The following ALDH16A1 variants were observed in gnomAD, a reference collection of about 807,000 sequenced individuals.
The protein encoded by ALDH16A1 is aldehyde dehydrogenase 16 family member A1.
A neutral mutation model predicts 96.1 loss-of-function variants in ALDH16A1; 88 were observed. That is an observed-to-expected ratio of 0.92 (90% CI 0.77 to 1.09). ALDH16A1 has a LOEUF of 1.09. ALDH16A1 is among the 50% of genes least tolerant of loss of function. ALDH16A1 has a pLI of 0.00. For missense variants in ALDH16A1, 1,250 were observed against 1,112.6 expected, an observed-to-expected ratio of 1.12 and a Z score of -1.76; for synonymous variants, 522 against 496.4, an observed-to-expected ratio of 1.05 and a Z score of -0.69.
At position 49,464,294 on chromosome 19, in the gene ALDH16A1, T is replaced by C. The variant is rs765506860; in HGVS notation, c.1331+31T>C. 11 of 1,594,830 alleles carry C rather than the reference T, an allele frequency of 6.9e-6. No homozygotes were observed. In the African/African-American group the frequency reaches 1.5e-4, roughly 21 times the overall value. On this transcript the variant is annotated intron_variant, in intron 10 of 16. Transcript: ENST00000293350. ...TCTGCGTGGCCCGGGCGCTCACTCCTCTCCTCATTCTTCCATCTTCATCTC... is the reference window on the plus strand; with the variant it reads ...TCTGCGTGGCCCGGGCGCTCACTCCCCTCCTCATTCTTCCATCTTCATCTC...
intron 1 of ALDH16A1, among the ~76,000 whole-genome samples, chr19:49,455,861 A>G (rs919514834): frequency 9.2e-5 from 14 of 152,180 alleles, no homozygotes; most frequent in Non-Finnish European, 1.3e-4. Flanking sequence ...CTCAACCAAC[A>G]AACATGTTTT....
At position 49,462,690 on chromosome 19, in the gene ALDH16A1, C is replaced by A; in HGVS notation, c.1033C>A (p.Arg345=). The A allele has an allele frequency of 6.2e-7, 1 of 1,607,788 alleles. No homozygotes were observed. Among genetic ancestry groups the A allele is most frequent in the Non-Finnish European group, 8.5e-7 (1 of 1,178,376 alleles). The part of the protein sequence containing the change: ...GLDGAVDMGA[R]GAAACDLVQR... ...GGATGGGGCCGTGGACATGGGGGCC[C>A]GGGGGGCTGCCGCATGTGACCTGGT... The change falls in exon 8 of 17, where the codon CGG becomes AGG. Residue 345 remains arginine (R), a synonymous_variant. Coordinates refer to ENST00000293350, the MANE Select transcript of ALDH16A1 (RefSeq NM_153329.4).
Position 49,466,070 on chromosome 19 carries a change from G to C in ALDH16A1, c.1737-12G>C, listed in dbSNP as rs1555800431. ...AGGATGCCAACCCCCACTGTGCGCT[G>C]TCTGCCCACAGCTGGGCGGGCCAGT... On this transcript the variant is annotated splice_polypyrimidine_tract_variant and intron_variant, in intron 13 of 16. Transcript: ENST00000293350. The C allele has an allele frequency of 6.5e-7, 1 of 1,541,080 alleles. No homozygotes were observed. The highest frequency in any genetic ancestry group is 1.2e-5 in the South Asian group (1 of 84,052).
At chr19:49,469,332 C>T (rs181078826) in intron 16 of ALDH16A1, 315 of 166,766 alleles carry the variant, frequency 1.9e-3, no homozygotes, top group Admixed American at 3.7e-3. Flanking sequence ...TCACTGCAGC[C>T]GCAACCTCCC....
rs1033216723 is a variant in ALDH16A1 at position 49,458,585 on chromosome 19, A to G, written c.190A>G (p.Thr64Ala). Residue 64 changes from threonine to alanine, a missense_variant, in exon 2 of 17, where the codon ACA becomes GCA. By Grantham distance (58) the Thr-to-Ala change is moderately conservative. Coordinates refer to ENST00000293350, the MANE Select transcript of ALDH16A1 (RefSeq NM_153329.4). Reference protein sequence around the residue: ...RNSVPCQDPITGENLASCLQA... With the variant: ...RNSVPCQDPIAGENLASCLQA... ...TTCAGTGCCTTGCCAGGATCCCATC[A>G]CAGGTACGAGATGTCCCCCAGTCAT... The G allele has an allele frequency of 1.3e-6, 2 of 1,557,362 alleles. No homozygotes were observed. The highest frequency in any genetic ancestry group is 1.7e-6 in the Non-Finnish European group (2 of 1,149,240).
At chr19:49,464,570 C>G (rs368739759) in intron 11 of ALDH16A1, 48 bp downstream of exon 11, 4 of 1,613,398 alleles carry the variant, frequency 2.5e-6, no homozygotes, top group Non-Finnish European at 3.4e-6. Flanking sequence ...GCCCCATGCC[C>G]TTGACACTCG....
At position 49,465,818 on chromosome 19, in the gene ALDH16A1, C is replaced by T. The variant is rs755228634; in HGVS notation, c.1649C>T (p.Ser550Leu). 2.0e-5 allele frequency: 32 copies of T among 1,614,032 alleles called. No individual in the cohort carries two copies. The highest frequency in any genetic ancestry group is 2.2e-5 in the East Asian group (1 of 44,900). ...GARSSRPIRD[S>L]SGNLHGYVAE... ...CGAAGCTCCAGGCCCATCCGGGATT[C>T]GTCTGGCAACCTCCATGGCTACGTG... Residue 550 changes from serine to leucine, a missense_variant, in exon 13 of 17, where the codon TCG becomes TTG. Physicochemically the swap from Ser to Leu is moderately radical, Grantham distance 145. Transcript: ENST00000293350.
At position 49,459,065 on chromosome 19, in the gene ALDH16A1, T is replaced by G; in HGVS notation, c.299T>G (p.Val100Gly). 2 of 1,612,918 alleles carry G rather than the reference T, an allele frequency of 1.2e-6. No homozygotes were observed. The highest frequency in any genetic ancestry group is 2.7e-5 in the African/African-American group (2 of 75,058). Residue 100 changes from valine to glycine, a missense_variant, in exon 3 of 17, where the codon GTC (valine) becomes GGC (glycine). Val to Gly is a moderately radical substitution (Grantham distance 109, BLOSUM62 -3). Transcript: ENST00000293350. This position sits in a 1 kb window ranked among gnomAD's most constrained non-coding sequence, Gnocchi z 4.1. Reference protein sequence around the residue: ...FKGWSAHPGVVRAQHLTRLAE... With the variant: ...FKGWSAHPGVGRAQHLTRLAE... Reference sequence around the variant, plus strand: ...GGCTGGAGTGCGCACCCCGGCGTCGTCCGGGCCCAGCACCTGACCAGGTGA... The same window carrying G: ...GGCTGGAGTGCGCACCCCGGCGTCGGCCGGGCCCAGCACCTGACCAGGTGA...
At position 49,464,145 on chromosome 19, in the gene ALDH16A1, G is replaced by T; in HGVS notation, c.1213G>T (p.Val405Leu). Residue 405 changes from valine to leucine, a missense_variant, in exon 10 of 17, where the codon GTG becomes TTG. Transcript: ENST00000293350. ...CTTGCAGGTGCCGTGGCCTGTGGTCGTGGCCTCCCCCTTCCGCACAGCCAA... is the reference window on the plus strand; with the variant it reads ...CTTGCAGGTGCCGTGGCCTGTGGTCTTGGCCTCCCCCTTCCGCACAGCCAA... ...AQVEVPWPVVVASPFRTAKEA... is the reference protein window; with the variant it reads ...AQVEVPWPVVLASPFRTAKEA... The T allele has an allele frequency of 6.2e-7, 1 of 1,608,416 alleles. No homozygotes were observed. Among genetic ancestry groups the T allele is most frequent in the Non-Finnish European group, 8.5e-7 (1 of 1,179,298 alleles).
At chr19:49,465,581 G>A (rs1050671963) in intron 12 of ALDH16A1, among the ~76,000 whole-genome samples, 157 bp from the exon 13 acceptor site, 1 of 151,308 alleles carries the variant, frequency 6.6e-6, no homozygotes, top group Non-Finnish European at 1.5e-5. Context: ...AATCATGGGA[G>A]CAGGAGTTTT....
Position 49,468,480 on chromosome 19 carries a change from C to A in ALDH16A1, c.2038C>A (p.Leu680Met), listed in dbSNP as rs763921309. The A allele has an allele frequency of 4.4e-6, 7 of 1,602,922 alleles. No homozygotes were observed. The African/African-American group carries it at 9.3e-5, about 21-fold the overall frequency. The change falls in exon 15 of 17, where the codon CTG becomes ATG. Residue 680 changes from leucine to methionine, a missense_variant. Coordinates refer to ENST00000293350, the MANE Select transcript of ALDH16A1 (RefSeq NM_153329.4). The surrounding 1 kb of genome is among the most constrained non-coding windows in gnomAD (Gnocchi z 4.4). ...GTGGCCCCTGCTTGCCTTCGTGTCCCTGCTGGCTCCCGCCCTGGCCTACGG... is the reference window on the plus strand; with the variant it reads ...GTGGCCCCTGCTTGCCTTCGTGTCCATGCTGGCTCCCGCCCTGGCCTACGG... ...DEWPLLAFVS[L>M]LAPALAYGNT...
At position 49,468,617 on chromosome 19, in the gene ALDH16A1, GA is replaced by G; in HGVS notation, c.2124+56del. 6 of 1,578,090 alleles carry G rather than the reference GA, an allele frequency of 3.8e-6. No homozygotes were observed. The highest frequency in any genetic ancestry group is 4.3e-6 in the Non-Finnish European group (5 of 1,166,746). On this transcript the variant is annotated intron_variant, in intron 15 of 16. Coordinates refer to ENST00000293350, the MANE Select transcript of ALDH16A1 (RefSeq NM_153329.4). The surrounding 1 kb of genome is among the most constrained non-coding windows in gnomAD (Gnocchi z 4.4). ...TCCTCCCCGTAGCCTCAGGGCAGCA[GA>G]AAAAGGCGCCCCAAAGTCGGCAGGA...
At chr19:49,465,603 G>A in intron 12 of ALDH16A1, 135 bp from the exon 13 acceptor site, 6 of 1,092,144 alleles carry the variant, frequency 5.5e-6, no homozygotes, top group Non-Finnish European at 7.8e-6. Flanking sequence ...GGGTCCCCCA[G>A]AGGCTCATGG....
In ALDH16A1 at chr19:49,466,296, T is replaced by A; in HGVS notation, c.1938+13T>A. 1 of 1,431,134 alleles carries A rather than the reference T, an allele frequency of 7.0e-7. No individual in the cohort carries two copies. The highest frequency in any genetic ancestry group is 1.4e-5 in the African/African-American group (1 of 69,066). 88.7% of individuals were successfully genotyped at this position (1,431,134 alleles called of 1,614,324 possible). A position where few individuals can be genotyped will look rare whatever the true frequency, so the allele number is the denominator to read the frequency against. On this transcript the variant is annotated intron_variant, in intron 14 of 16. Coordinates refer to ENST00000293350, the MANE Select transcript of ALDH16A1 (RefSeq NM_153329.4). Reference sequence around the variant, plus strand: ...CCACACCCTGCAGGTGAAGGGTCTGTGGGCACCTGGGCCAGCTGGGCAGGC... The same window carrying A: ...CCACACCCTGCAGGTGAAGGGTCTGAGGGCACCTGGGCCAGCTGGGCAGGC...
chr19:49,456,528 G>A (rs2079105625), intron 1 of ALDH16A1, among the ~76,000 whole-genome samples: 1 of 152,138 alleles, frequency 6.6e-6, no homozygotes, highest in Non-Finnish European at 1.5e-5. Flanking sequence ...GAGACTACAA[G>A]TGTGCATCAT....
chr19:49,455,647 G>A (rs2079101177), intron 1 of ALDH16A1, among the ~76,000 whole-genome samples: 1 of 151,882 alleles, frequency 6.6e-6, no homozygotes, highest in African/African-American at 2.4e-5. Context: ...TGTAATCCCA[G>A]CAGTTTGGGA....
At chr19:49,469,129 C>T (rs1219879431) in intron 16 of ALDH16A1, 143 bp downstream of exon 16, 1 of 1,258,396 alleles carries the variant, frequency 7.9e-7, no homozygotes, top group African/African-American at 1.5e-5. Context: ...AGGCCCCGCC[C>T]TTAGGACTCA....
chr19:49,455,988 C>T (rs2079102848), intron 1 of ALDH16A1, among the ~76,000 whole-genome samples: 2 of 152,184 alleles, frequency 1.3e-5, no homozygotes, highest in Admixed American at 6.5e-5. Flanking sequence ...TTTGGCTCAA[C>T]TTCCCTGACA....
Position 49,453,249 on chromosome 19 carries a change from C to T in ALDH16A1, c.-83C>T, listed in dbSNP as rs2084349675. On this transcript the variant is annotated 5_prime_UTR_variant, in exon 1 of 17. Coordinates refer to ENST00000293350, the MANE Select transcript of ALDH16A1 (RefSeq NM_153329.4). ...TAGCCCCGCCCCTTTGGGCTGGAAC[C>T]GGAGGTGTCGCTCTTCGGACCTCAA... 6 of 1,293,410 alleles carry T rather than the reference C, an allele frequency of 4.6e-6. No individual in the cohort carries two copies. Among genetic ancestry groups the T allele is most frequent in the Non-Finnish European group, 5.3e-6 (5 of 950,942 alleles). 80.1% of individuals were successfully genotyped at this position (1,293,410 alleles called of 1,614,324 possible). A position where few individuals can be genotyped will look rare whatever the true frequency, so the allele number is the denominator to read the frequency against.
Sources: gnomAD v4.1 joint callset for allele counts (sites outside exome capture counted in the v4.1 genomes callset) on GRCh38, gnomAD v4.1.1 for gene constraint, Gnocchi (gnomAD v3.1) non-coding constraint, MANE v1.5 for transcripts, NCBI Gene and HGNC (gene_info 2026-07-23, HGNC 2026-07-21) for gene names.